INPP5D: variants seen among roughly 807,000 people sequenced by gnomAD.
INPP5D encodes phosphatidylinositol 3,4,5-trisphosphate 5-phosphatase 1.
A neutral mutation model predicts 122.9 loss-of-function variants in INPP5D; 33 were observed. The ratio of observed to expected loss-of-function variants is 0.27; its 90% CI spans 0.20 to 0.36. INPP5D has a LOEUF of 0.36. Among genes scored for constraint, INPP5D ranks in the 10% least tolerant of loss-of-function variants. INPP5D has a pLI of 1.00. For synonymous variants in INPP5D, 584 were observed against 576.2 expected, an observed-to-expected ratio of 1.01 and a Z score of -0.19; for missense variants, 1,053 against 1,412.7, an observed-to-expected ratio of 0.75 and a Z score of 4.08.
intron 3 of INPP5D, among the ~76,000 whole-genome samples, chr2:233,122,593 A>C (rs1693021537): frequency 6.6e-6 from 1 of 152,182 alleles, no homozygotes; most frequent in African/African-American, 2.4e-5. Context: ...GCTTGAGGCC[A>C]GGAGTTTGAG....
intron 25 of INPP5D, among the ~76,000 whole-genome samples, chr2:233,202,486 C>T (rs1463893049): frequency 2.0e-5 from 3 of 152,236 alleles, no homozygotes; most frequent in Non-Finnish European, 2.9e-5. Context: ...CCTGGAGCTC[C>T]ATGGCTTCTC....
At chr2:233,136,423 G>A (rs1311805722) in intron 5 of INPP5D, among the ~76,000 whole-genome samples, 1 of 151,466 alleles carries the variant, frequency 6.6e-6, no homozygotes, top group Non-Finnish European at 1.5e-5. Flanking sequence ...AGGTTGCAGT[G>A]AGCCGAGATG....
chr2:233,174,384 T>C (rs1694566812), intron 17 of INPP5D, among the ~76,000 whole-genome samples: 1 of 152,236 alleles, frequency 6.6e-6, no homozygotes, highest in Non-Finnish European at 1.5e-5. Context: ...AGCTCCATTA[T>C]AATTTTGTAG....
Position 233,122,283 on chromosome 2 carries a change from G to A in INPP5D, c.349+26G>A, listed in dbSNP as rs1693009413. The stretch of plus-strand genomic sequence containing the variant: ...GTAGGGAGGGAGGGACAGGACGGCA[G>A]GAGGTACTTTTGGGAACTTGCCCTG... On this transcript the variant is annotated intron_variant, in intron 3 of 26. Coordinates refer to ENST00000445964, the MANE Select transcript of INPP5D (RefSeq NM_001017915.3). 3.7e-6 allele frequency: 6 copies of A among 1,607,394 alleles called. No homozygotes were observed. In the African/African-American group the frequency reaches 6.7e-5, roughly 18 times the overall value.
chr2:233,134,092 G>A (rs1394222855), intron 5 of INPP5D: 1 of 448,388 alleles, frequency 2.2e-6, no homozygotes, highest in Non-Finnish European at 4.5e-6. Context: ...TGACCCCTGG[G>A]TTCCCAGTGT....
At chr2:233,109,946 A>C (rs1022884124) in intron 2 of INPP5D, among the ~76,000 whole-genome samples, 1 of 151,498 alleles carries the variant, frequency 6.6e-6, no homozygotes, top group African/African-American at 2.4e-5. Flanking sequence ...GTGTAGGAGC[A>C]CAATCTTGGT....
intron 2 of INPP5D, among the ~76,000 whole-genome samples, chr2:233,091,047 T>C (rs1355804523): frequency 6.6e-6 from 1 of 152,034 alleles, no homozygotes; most frequent in Non-Finnish European, 1.5e-5. Context: ...AGAACTGCTT[T>C]CTCCCCTGAC....
At chr2:233,124,005 G>A (rs1258930376) in intron 3 of INPP5D, among the ~76,000 whole-genome samples, 1 of 152,074 alleles carries the variant, frequency 6.6e-6, no homozygotes, top group Non-Finnish European at 1.5e-5. Context: ...TAACTATTGG[G>A]TACTAGGCTT....
chr2:233,089,017 C>T (rs535995229), intron 2 of INPP5D, among the ~76,000 whole-genome samples: 1 of 152,166 alleles, frequency 6.6e-6, no homozygotes, highest in Non-Finnish European at 1.5e-5. Context: ...GCATTACAGC[C>T]GTATGTCCCG....
In INPP5D at chr2:233,161,723, G is replaced by A; in HGVS notation, c.1138-1G>A. The A allele has an allele frequency of 6.2e-7, 1 of 1,612,172 alleles. No individual in the cohort carries two copies. The highest frequency in any genetic ancestry group is 8.5e-7 in the Non-Finnish European group (1 of 1,178,974). On this transcript the variant is annotated splice_acceptor_variant, in intron 10 of 26. Transcript: ENST00000445964. LOFTEE classifies it high-confidence loss of function. The stretch of plus-strand genomic sequence containing the variant: ...AAGTCTGTCTGCCCTTCCATCCCTA[G>A]AAGAGAGAAGGCTTCTGCCAGCTCC...
At chr2:233,167,408 A>G (rs1398763489) in intron 13 of INPP5D, among the ~76,000 whole-genome samples, 1 of 135,302 alleles carries the variant, frequency 7.4e-6, no homozygotes, top group Non-Finnish European at 1.6e-5. Flanking sequence ...AGGGACTCTT[A>G]TTATTCCCAT....
chr2:233,116,217 ATATATATG>A (rs1692783693), intron 2 of INPP5D, among the ~76,000 whole-genome samples: 2 of 148,184 alleles, frequency 1.3e-5, no homozygotes, highest in South Asian at 2.1e-4. Flanking sequence ...ATATATGTAG[ATATATATG>A]TAGATAGATA....
chr2:233,069,060 G>A (rs1233072885), intron 1 of INPP5D, among the ~76,000 whole-genome samples: 1 of 152,258 alleles, frequency 6.6e-6, no homozygotes, highest in East Asian at 1.9e-4. Context: ...CATGTTCCAT[G>A]ACGGGGGTAC....
In INPP5D at chr2:233,169,361, G is replaced by T; in HGVS notation, c.1612G>T (p.Val538Phe). The change falls in exon 14 of 27, where the codon GTC becomes TTC. Residue 538 changes from valine to phenylalanine, a missense_variant. Val to Phe is a conservative substitution (Grantham distance 50). Coordinates refer to ENST00000445964, the MANE Select transcript of INPP5D (RefSeq NM_001017915.3). The stretch of plus-strand genomic sequence containing the variant: ...GTTCAATGGAACCTCCTTAGGGTTC[G>T]TCAACAGCCACTTGACTTCAGGAAG... ...FMFNGTSLGF[V>F]NSHLTSGSEK... 6.2e-7 allele frequency: 1 copy of T among 1,604,502 alleles called. No individual in the cohort carries two copies. The highest frequency in any genetic ancestry group is 8.5e-7 in the Non-Finnish European group (1 of 1,175,438).
At chr2:233,172,851 C>T (rs1213593277) in intron 17 of INPP5D, among the ~76,000 whole-genome samples, 1 of 152,126 alleles carries the variant, frequency 6.6e-6, no homozygotes, top group African/African-American at 2.4e-5. Context: ...CTGTGGGCAA[C>T]TGTAACACAA....
intron 2 of INPP5D, among the ~76,000 whole-genome samples, chr2:233,114,850 A>ATTTGG (rs1692739001): frequency 6.7e-6 from 1 of 149,812 alleles, no homozygotes; most frequent in Non-Finnish European, 1.5e-5. Flanking sequence ...GAAGCAGGGT[A>ATTTGG]TTTGGTTTGG....
In INPP5D at chr2:233,196,912, G is replaced by A. The variant is rs775206271; in HGVS notation, c.2694-1183G>A. Reference sequence around the variant, plus strand: ...ATTCCCTGATCCACTTCCAGCTTCCGATGTTCACAGCCGTGGGCACACAAG... The same window carrying A: ...ATTCCCTGATCCACTTCCAGCTTCCAATGTTCACAGCCGTGGGCACACAAG... On this transcript the variant is annotated intron_variant, in intron 24 of 26. Transcript: ENST00000445964. Among the ~76,000 whole-genome samples, 5 of 151,900 alleles carry A rather than the reference G, an allele frequency of 3.3e-5. No individual in the cohort carries two copies. In the East Asian group the frequency reaches 7.7e-4, roughly 23 times the overall value.
chr2:233,125,597 C>G (rs1693132762), intron 3 of INPP5D, 148 bp from the exon 4 acceptor site: 1 of 708,676 alleles, frequency 1.4e-6, no homozygotes, highest in African/African-American at 1.8e-5. Flanking sequence ...AGGAGGCTCT[C>G]CCTCCAGGAG....
intron 2 of INPP5D, among the ~76,000 whole-genome samples, chr2:233,099,760 A>G (rs1022393508): frequency 2.0e-5 from 3 of 152,194 alleles, no homozygotes; most frequent in African/African-American, 7.2e-5. Context: ...GATACCCTTG[A>G]TTATTCCACA....
Sources: gnomAD v4.1 joint callset for allele counts (sites outside exome capture counted in the v4.1 genomes callset) on GRCh38, gnomAD v4.1.1 for gene constraint, MANE v1.5 for transcripts, NCBI Gene and HGNC (gene_info 2026-07-23, HGNC 2026-07-21) for gene names.